The following DOCK3 variants were observed in gnomAD, a reference collection of about 807,000 sequenced individuals.
DOCK3 encodes dedicator of cytokinesis protein 3.
In DOCK3, 60 loss-of-function variants were observed where a neutral mutation model predicts 265.6. The ratio of observed to expected loss-of-function variants is 0.23; its 90% CI spans 0.18 to 0.28. The LOEUF is 0.28. Among genes scored for constraint, DOCK3 ranks in the 10% least tolerant of loss-of-function variants. The probability of loss-of-function intolerance (pLI) is 1.00; values close to 1 mark genes in which losing one functional copy is unlikely to be tolerated. For missense variants in DOCK3, 1,981 were observed against 2,594.3 expected, an observed-to-expected ratio of 0.76 and a Z score of 5.14; for synonymous variants, 881 against 938.0, an observed-to-expected ratio of 0.94 and a Z score of 1.11.
chr3:50,759,005 C>T (rs1472679331), intron 1 of DOCK3, among the ~76,000 whole-genome samples: 1 of 152,130 alleles, frequency 6.6e-6, no homozygotes, highest in Non-Finnish European at 1.5e-5. Context: ...TTTATCTGTT[C>T]ATCTATCAGT....
At chr3:51,091,885 C>T (rs1418411165) in intron 9 of DOCK3, among the ~76,000 whole-genome samples, 1 of 152,080 alleles carries the variant, frequency 6.6e-6, no homozygotes, top group East Asian at 1.9e-4. Flanking sequence ...CGCATTGCCT[C>T]ACCTGGGAAG....
intron 5 of DOCK3, among the ~76,000 whole-genome samples, chr3:50,999,944 T>C (rs2078415979): frequency 6.6e-6 from 1 of 152,120 alleles, no homozygotes; most frequent in African/African-American, 2.4e-5. Flanking sequence ...GAAAAGTAAA[T>C]AGCACTCCCT....
At chr3:50,910,560 GC>G (rs1294511234) in intron 4 of DOCK3, among the ~76,000 whole-genome samples, 5 of 152,112 alleles carry the variant, frequency 3.3e-5, no homozygotes, top group African/African-American at 1.2e-4. Context: ...TGGTGGTGGG[GC>G]TAGCCACCAC....
At chr3:50,878,452 A>T (rs1053683391) in intron 3 of DOCK3, among the ~76,000 whole-genome samples, 1 of 152,276 alleles carries the variant, frequency 6.6e-6, no homozygotes, top group Non-Finnish European at 1.5e-5. Flanking sequence ...GATGGAGCTG[A>T]AAACCATGGC....
At chr3:50,799,308 A>G (rs1481658081) in intron 2 of DOCK3, among the ~76,000 whole-genome samples, 2 of 152,192 alleles carry the variant, frequency 1.3e-5, no homozygotes, top group Non-Finnish European at 2.9e-5. Context: ...TTAGGGTAGT[A>G]TGGCCATTTC....
chr3:51,278,368 G>A, intron 26 of DOCK3: 1 of 985,410 alleles, frequency 1.0e-6, no homozygotes, highest in Non-Finnish European at 1.2e-6. Context: ...CAACTCCAGA[G>A]TAGACTTACT....
intron 5 of DOCK3, among the ~76,000 whole-genome samples, chr3:51,036,634 G>C (rs148688830): frequency 5.9e-4 from 90 of 151,980 alleles, no homozygotes; most frequent in African/African-American, 2.1e-3. Flanking sequence ...TCCAGCTAAG[G>C]CTCCATTTCT....
chr3:50,923,224 G>A (rs1419713964), intron 4 of DOCK3, among the ~76,000 whole-genome samples: 2 of 152,126 alleles, frequency 1.3e-5, no homozygotes, highest in African/African-American at 4.8e-5. Flanking sequence ...TGCTCCTATA[G>A]ACATGTGTGT....
chr3:50,791,164 G>A (rs2042455690), intron 2 of DOCK3, among the ~76,000 whole-genome samples: 1 of 150,740 alleles, frequency 6.6e-6, no homozygotes, highest in Admixed American at 6.6e-5. Flanking sequence ...TGGTGCCTTT[G>A]TCATGAAATC....
At chr3:51,273,737 T>C (rs1213598822) in intron 24 of DOCK3, among the ~76,000 whole-genome samples, 1 of 152,204 alleles carries the variant, frequency 6.6e-6, no homozygotes, top group Admixed American at 6.5e-5. Flanking sequence ...CTGTCTGAAT[T>C]TCATATGGAA....
At chr3:50,747,449 A>T (rs1412355704) in intron 1 of DOCK3, among the ~76,000 whole-genome samples, 1 of 152,228 alleles carries the variant, frequency 6.6e-6, no homozygotes, top group African/African-American at 2.4e-5. Context: ...AGGCATATCC[A>T]CTTATTTAAT....
chr3:51,290,546 GA>G (rs2081679936), intron 27 of DOCK3, among the ~76,000 whole-genome samples: 1 of 152,038 alleles, frequency 6.6e-6, no homozygotes. Flanking sequence ...GGGGTTGGGG[GA>G]GAGGGGAGGG....
intron 5 of DOCK3, among the ~76,000 whole-genome samples, chr3:51,033,115 C>A (rs2080118791): frequency 6.6e-6 from 1 of 152,052 alleles, no homozygotes; most frequent in Non-Finnish European, 1.5e-5. Context: ...TCAGAAGGAG[C>A]CAGATCAGGA....
intron 38 of DOCK3, 35 bp downstream of exon 38, chr3:51,341,420 G>T: frequency 6.2e-7 from 1 of 1,609,852 alleles, no homozygotes. Context: ...TAGCCCTTCA[G>T]CTTCTGCTGT....
intron 10 of DOCK3, among the ~76,000 whole-genome samples, chr3:51,157,880 A>G (rs2085933387): frequency 7.3e-6 from 1 of 137,700 alleles, no homozygotes; most frequent in African/African-American, 2.8e-5. Flanking sequence ...TTCTCGGCTC[A>G]CTGCAAGCTC....
At chr3:51,375,893 C>T in intron 51 of DOCK3, 58 bp downstream of exon 51, 25 of 1,582,434 alleles carry the variant, frequency 1.6e-5, no homozygotes, top group Non-Finnish European at 2.2e-5. Flanking sequence ...GTGTCTGACT[C>T]TTGTCCCTGA....
At chr3:51,113,448 C>T (rs1198009769) in intron 9 of DOCK3, among the ~76,000 whole-genome samples, 5 of 152,088 alleles carry the variant, frequency 3.3e-5, no homozygotes, top group African/African-American at 7.2e-5. Flanking sequence ...TGGTATTGGC[C>T]CCCACATACT....
At chr3:50,807,604 A>G (rs2043508069) in intron 2 of DOCK3, among the ~76,000 whole-genome samples, 1 of 152,226 alleles carries the variant, frequency 6.6e-6, no homozygotes, top group Admixed American at 6.5e-5. Flanking sequence ...TAGTATATAC[A>G]GTAAGGTAGG....
At position 51,058,319 on chromosome 3, in the gene DOCK3, G is replaced by A. The variant is rs956336033; in HGVS notation, c.316-6129G>A. Among the ~76,000 whole-genome samples, 12 of 152,270 alleles carry A rather than the reference G, an allele frequency of 7.9e-5. No homozygotes were observed. The South Asian group carries it at 8.3e-4, about 11-fold the overall frequency. ...GGAAAATAGATTCCATGTCATGCTGGAAGGGTATCAAAGTCACATTATTGC... is the reference window on the plus strand; with the variant it reads ...GGAAAATAGATTCCATGTCATGCTGAAAGGGTATCAAAGTCACATTATTGC... On this transcript the variant is annotated intron_variant, in intron 5 of 52. Coordinates refer to ENST00000266037, the MANE Select transcript of DOCK3 (RefSeq NM_004947.5).
Sources: gnomAD v4.1 joint callset for allele counts (sites outside exome capture counted in the v4.1 genomes callset) on GRCh38, gnomAD v4.1.1 for gene constraint, MANE v1.5 for transcripts, NCBI Gene and HGNC (gene_info 2026-07-23, HGNC 2026-07-21) for gene names.